CD163L1: variants seen among roughly 807,000 people sequenced by gnomAD.
CD163L1 encodes CD163 molecule like 1.
Under a neutral mutation model 165.4 loss-of-function variants are expected in CD163L1, and 124 were observed. That is an observed-to-expected ratio of 0.75 (90% CI 0.65 to 0.87). The LOEUF is 0.87. Ranked by LOEUF, CD163L1 falls within the 40% of genes least tolerant of loss-of-function variation. The probability of loss-of-function intolerance (pLI) is 0.00; values close to 1 mark genes in which losing one functional copy is unlikely to be tolerated. For synonymous variants in CD163L1, 585 were observed against 662.2 expected (o/e 0.88, Z 1.79); for missense variants, 1,525 against 1,799.9 (o/e 0.85, Z 2.76).
At chr12:7,407,607 G>T (rs1023212648) in intron 4 of CD163L1, among the ~76,000 whole-genome samples, 2 of 150,234 alleles carry the variant, frequency 1.3e-5, no homozygotes, top group Non-Finnish European at 3.0e-5. Context: ...GTGATATAAA[G>T]AAATAAGGAA....
chr12:7,426,809 G>C (rs1338632710), intron 4 of CD163L1, among the ~76,000 whole-genome samples: 4 of 152,110 alleles, frequency 2.6e-5, no homozygotes, highest in Non-Finnish European at 5.9e-5. Flanking sequence ...GCTTACAAGG[G>C]ACTCACTTCT....
At chr12:7,385,008 C>G (rs1947487404) in intron 8 of CD163L1, among the ~76,000 whole-genome samples, 1 of 151,552 alleles carries the variant, frequency 6.6e-6, no homozygotes, top group African/African-American at 2.4e-5. Flanking sequence ...TCAACAATAA[C>G]CTTGAATGTA....
At chr12:7,391,180 A>T (rs765465695) in intron 8 of CD163L1, among the ~76,000 whole-genome samples, 47 of 152,216 alleles carry the variant, frequency 3.1e-4, no homozygotes, top group Non-Finnish European at 5.7e-4. Flanking sequence ...CAACATCAAC[A>T]AAAAGGATAA....
chr12:7,366,683 T>G (rs1316614489), intron 18 of CD163L1, among the ~76,000 whole-genome samples: 2 of 152,178 alleles, frequency 1.3e-5, no homozygotes, highest in African/African-American at 4.8e-5. Context: ...AAATTTGTTA[T>G]AGCTATTGGA....
intron 18 of CD163L1, among the ~76,000 whole-genome samples, chr12:7,361,754 T>G (rs900493135): frequency 2.0e-5 from 3 of 152,196 alleles, no homozygotes; most frequent in African/African-American, 7.2e-5. Flanking sequence ...CTTTTCAATG[T>G]GTTATTTACT....
intron 4 of CD163L1, among the ~76,000 whole-genome samples, chr12:7,421,492 CATATATGTACATAT>C (rs1948407611): frequency 9.2e-6 from 1 of 108,906 alleles, no homozygotes; most frequent in Admixed American, 9.1e-5. Flanking sequence ...TACATATATA[CATATATGTACATAT>C]ACATATACAT....
At chr12:7,323,885 T>A in the CD163L1 span, among the ~76,000 whole-genome samples, 1 of 152,150 alleles carries the variant, frequency 6.6e-6, no homozygotes, top group Admixed American at 6.6e-5. Flanking sequence ...TTTAAAAAAA[T>A]TTAATTTCCA....
chr12:7,442,785 ACT>A (rs1454753282), intron 1 of CD163L1, among the ~76,000 whole-genome samples: 1 of 152,216 alleles, frequency 6.6e-6, no homozygotes, highest in Non-Finnish European at 1.5e-5. Context: ...CTTCCAGGAA[ACT>A]CTGAGTGCCC....
chr12:7,379,341 T>G (rs1210146698), intron 8 of CD163L1, 43 bp from the exon 9 acceptor site: 1 of 1,583,416 alleles, frequency 6.3e-7, no homozygotes, highest in East Asian at 2.3e-5. Context: ...GCACTCTATG[T>G]GAGACATTAA....
At chr12:7,420,774 G>A (rs1018960478) in intron 4 of CD163L1, among the ~76,000 whole-genome samples, 11 of 151,610 alleles carry the variant, frequency 7.3e-5, no homozygotes, top group Non-Finnish European at 1.2e-4. Flanking sequence ...CAACCTCTAC[G>A]AAAAACAGTG....
chr12:7,352,182 A>G (rs1446192286), downstream of CD163L1, among the ~76,000 whole-genome samples: 1 of 152,100 alleles, frequency 6.6e-6, no homozygotes, highest in Non-Finnish European at 1.5e-5. Context: ...TCCCTAAAGG[A>G]ACTATAAAAC....
At chr12:7,334,267 C>G in the CD163L1 span, among the ~76,000 whole-genome samples, 10 of 152,250 alleles carry the variant, frequency 6.6e-5, no homozygotes, top group African/African-American at 2.4e-4. Context: ...CTGAATCCAG[C>G]AACACATCAA....
At chr12:7,333,290 C>G in the CD163L1 span, among the ~76,000 whole-genome samples, 105 of 152,322 alleles carry the variant, frequency 6.9e-4, no homozygotes, top group Non-Finnish European at 1.0e-3. Flanking sequence ...AACAAACTGT[C>G]TCTCAGACCA....
chr12:7,357,467 A>G lies in CD163L1; in HGVS notation c.4299T>C (p.Gly1433=). 2 of 1,612,568 alleles carry G rather than the reference A, an allele frequency of 1.2e-6. No homozygotes were observed. The highest frequency in any genetic ancestry group is 8.5e-7 in the Non-Finnish European group (1 of 1,179,008). Residue 1433 remains glycine, a synonymous_variant, in exon 19 of 20, where the codon GGT becomes GGC. Transcript: ENST00000313599. ...GCGATGTGTCGCTAGCATCTTCACA[A>G]CCATGGTTGGGGGTGTCATCTGAAA... The part of the protein sequence containing the change: ...TRTSDDTPNH[G]CEDASDTSLL...
chr12:7,367,771 A>G (rs1426917259), intron 17 of CD163L1, among the ~76,000 whole-genome samples: 1 of 152,178 alleles, frequency 6.6e-6, no homozygotes, highest in African/African-American at 2.4e-5. Flanking sequence ...TACATTTTCT[A>G]TTGGCTATTT....
chr12:7,388,648 G>A (rs1034500707), intron 8 of CD163L1, among the ~76,000 whole-genome samples: 23 of 151,742 alleles, frequency 1.5e-4, no homozygotes, highest in African/African-American at 5.6e-4. Flanking sequence ...GGGGACTGAG[G>A]TGGGAGGATT....
In CD163L1 at chr12:7,377,730, C is replaced by A. The variant is rs191674843; in HGVS notation, c.2371+1248G>T. On this transcript the variant is annotated intron_variant, in intron 9 of 19. Coordinates refer to ENST00000313599, the MANE Select transcript of CD163L1 (RefSeq NM_174941.6). ...AATTGATGTCCCCATCTTTTTGAAA[C>A]ATCTTCCCTTGGCTTTAGCGATGTG... Among the ~76,000 whole-genome samples the A allele has an allele frequency of 7.1e-3, 1,078 of 152,216 alleles. 23 individuals carry two copies. The highest frequency in any genetic ancestry group is 4.8e-3 in the Non-Finnish European group (324 of 68,010).
intron 4 of CD163L1, among the ~76,000 whole-genome samples, chr12:7,421,619 GTACATATATACATATATGTACACATA>G (rs1565810838): frequency 3.5e-4 from 1 of 2,848 alleles, no homozygotes; most frequent in Admixed American, 8.9e-3. Context: ...ATACATATAT[GTACATATATACATATATGTACACATA>G]TACATATATG....
At chr12:7,421,702 T>C (rs1484277168) in intron 4 of CD163L1, among the ~76,000 whole-genome samples, 1 of 143,658 alleles carries the variant, frequency 7.0e-6, no homozygotes, top group Non-Finnish European at 1.5e-5. Flanking sequence ...TATATGTATG[T>C]GTACATAAAT....
Sources: gnomAD v4.1 joint callset for allele counts (sites outside exome capture counted in the v4.1 genomes callset) on GRCh38, gnomAD v4.1.1 for gene constraint, MANE v1.5 for transcripts, NCBI Gene and HGNC (gene_info 2026-07-23, HGNC 2026-07-21) for gene names.